NSRP1: variants seen among roughly 807,000 people sequenced by gnomAD.
NSRP1 encodes nuclear speckle splicing regulatory protein 1.
A neutral mutation model predicts 54.7 loss-of-function variants in NSRP1; 24 were observed. The ratio of observed to expected loss-of-function variants is 0.44; its 90% CI spans 0.32 to 0.62. NSRP1 has a LOEUF of 0.62. NSRP1 is among the 20% of genes least tolerant of loss of function. The pLI is 0.06. For synonymous variants in NSRP1, 210 were observed against 213.8 expected, an observed-to-expected ratio of 0.98 and a Z score of 0.15; for missense variants, 596 against 651.2, an observed-to-expected ratio of 0.92 and a Z score of 0.92.
chr17:30,119,715 C>A (rs1232873854), intron 2 of NSRP1, among the ~76,000 whole-genome samples: 2 of 152,100 alleles, frequency 1.3e-5, no homozygotes, highest in African/African-American at 4.8e-5. Flanking sequence ...GTTGATCAGG[C>A]TGGTCTCGAA....
At chr17:30,146,004 C>G (rs996291758) in intron 2 of NSRP1, among the ~76,000 whole-genome samples, 2 of 61,352 alleles carry the variant, frequency 3.3e-5, no homozygotes, top group Middle Eastern at 0.01. Context: ...TGCATGCCAC[C>G]ATGCCCAGCT....
At chr17:30,172,471 T>G in intron 2 of NSRP1, 71 bp from the exon 3 acceptor site, 1 of 1,186,948 alleles carries the variant, frequency 8.4e-7, no homozygotes, top group Non-Finnish European at 1.2e-6. Flanking sequence ...GTATTTTAGA[T>G]AGGGGACGCT....
chr17:30,163,895 A>G (rs1207599574), intron 2 of NSRP1, among the ~76,000 whole-genome samples: 3 of 151,928 alleles, frequency 2.0e-5, no homozygotes, highest in African/African-American at 4.8e-5. Flanking sequence ...CACGTTGGCA[A>G]GGCTGGTCTT....
rs576067627 is a variant in NSRP1 at position 30,145,887 on chromosome 17, T to C, written c.115-26655T>C. On this transcript the variant is annotated intron_variant, in intron 2 of 6. Coordinates refer to ENST00000247026, the MANE Select transcript of NSRP1 (RefSeq NM_032141.4). Reference sequence around the variant, plus strand: ...TTGTTTTAGACAAGGACCCACACTGTTCCTCAGGCTTGAGTGCAGAGGCAT... The same window carrying C: ...TTGTTTTAGACAAGGACCCACACTGCTCCTCAGGCTTGAGTGCAGAGGCAT... Among the ~76,000 whole-genome samples the C allele has an allele frequency of 1.8e-4, 28 of 152,302 alleles. No homozygotes were observed. In the South Asian group the frequency reaches 5.2e-3, roughly 28 times the overall value.
At position 30,178,091 on chromosome 17, in the gene NSRP1, G is replaced by A. The variant is rs1005041322; in HGVS notation, c.192G>A (p.Lys64=). ...AMKQTKLEIQ[K]ALAEDATVYE... is the part of the protein sequence containing the mutation. ...TTAAGACCAAACTGGAAATCCAGAA[G>A]GCCCTTGCAGAAGATGCTACTGTGT... Residue 64 remains lysine, a synonymous_variant, in exon 4 of 7, where the codon AAG becomes AAA. Coordinates refer to ENST00000247026, the MANE Select transcript of NSRP1 (RefSeq NM_032141.4). 1.9e-6 allele frequency: 3 copies of A among 1,611,700 alleles called. No homozygotes were observed. In the African/African-American group the frequency reaches 4.0e-5, roughly 22 times the overall value.
intron 2 of NSRP1, among the ~76,000 whole-genome samples, chr17:30,151,350 A>C (rs2071907803): frequency 6.6e-6 from 1 of 152,182 alleles, no homozygotes; most frequent in South Asian, 2.1e-4. Context: ...TGACTACCCC[A>C]AAACTTAACC....
intron 2 of NSRP1, among the ~76,000 whole-genome samples, chr17:30,143,621 T>C (rs528335701): frequency 6.6e-6 from 1 of 152,216 alleles, no homozygotes; most frequent in Non-Finnish European, 1.5e-5. Context: ...ACATAGTTAA[T>C]GATGTTCCTT....
At chr17:30,158,387 T>C (rs376033797) in intron 2 of NSRP1, among the ~76,000 whole-genome samples, 7 of 152,046 alleles carry the variant, frequency 4.6e-5, no homozygotes, top group Admixed American at 4.6e-4. Context: ...GATGAATATT[T>C]TGTAAACGTT....
intron 2 of NSRP1, among the ~76,000 whole-genome samples, chr17:30,164,526 G>A (rs1004185092): frequency 6.6e-6 from 1 of 152,136 alleles, no homozygotes; most frequent in African/African-American, 2.4e-5. Context: ...GCTGAGCATG[G>A]TGGCTTATGC....
intron 6 of NSRP1, among the ~76,000 whole-genome samples, chr17:30,183,355 G>C (rs1905383500): frequency 6.6e-6 from 1 of 152,098 alleles, no homozygotes; most frequent in Admixed American, 6.6e-5. Flanking sequence ...TACGCTGCTA[G>C]GCTTTGATTA....
chr17:30,133,066 C>A (rs1206219256), intron 2 of NSRP1, among the ~76,000 whole-genome samples: 1 of 151,918 alleles, frequency 6.6e-6, no homozygotes, highest in African/African-American at 2.4e-5. Context: ...CAGTCAGCCT[C>A]CTGAGTAGCA....
intron 2 of NSRP1, among the ~76,000 whole-genome samples, chr17:30,162,696 T>C (rs1904563460): frequency 1.3e-5 from 2 of 152,170 alleles, no homozygotes; most frequent in African/African-American, 4.8e-5. Context: ...TTATTAGTTA[T>C]GGAATAATTA....
At chr17:30,137,801 T>A (rs2071763406) in intron 2 of NSRP1, among the ~76,000 whole-genome samples, 1 of 152,226 alleles carries the variant, frequency 6.6e-6, no homozygotes, top group Non-Finnish European at 1.5e-5. Flanking sequence ...AGTCTTGGTG[T>A]ATTATTCTTT....
intron 2 of NSRP1, among the ~76,000 whole-genome samples, chr17:30,133,703 T>C (rs2071722986): frequency 6.6e-6 from 1 of 152,222 alleles, no homozygotes; most frequent in Admixed American, 6.5e-5. Context: ...ATCTGTTGTT[T>C]ATTGTAGCCA....
intron 2 of NSRP1, among the ~76,000 whole-genome samples, chr17:30,137,655 T>G (rs1423510303): frequency 6.6e-6 from 1 of 152,226 alleles, no homozygotes; most frequent in Non-Finnish European, 1.5e-5. Context: ...ACCAATAACT[T>G]TAGTTGCTAA....
chr17:30,176,009 C>T (rs200368084), intron 3 of NSRP1, among the ~76,000 whole-genome samples: 1 of 121,480 alleles, frequency 8.2e-6, no homozygotes, highest in South Asian at 2.7e-4. Flanking sequence ...AACCCCCCCC[C>T]CAAAAAAAAA....
chr17:30,124,005 A>G (rs2071627463), intron 2 of NSRP1, among the ~76,000 whole-genome samples: 1 of 152,134 alleles, frequency 6.6e-6, no homozygotes, highest in South Asian at 2.1e-4. Context: ...CAGGCATGAT[A>G]ACTCATGCCT....
At position 30,185,223 on chromosome 17, in the gene NSRP1, AGAAG is replaced by A; in HGVS notation, c.1231_1234del (p.Glu411ArgfsTer10). The stretch of plus-strand genomic sequence containing the variant: ...CAGAACCGACCCAGTGAGAAAGGAG[AGAAG>A]GAAGAGAAAAGCAAAGCAAAGGAAG... On this transcript the variant is annotated frameshift_variant, in exon 7 of 7. Transcript: ENST00000247026. LOFTEE classifies it high-confidence loss of function. 8.2e-6 allele frequency: 13 copies of A among 1,576,904 alleles called. No homozygotes were observed. The highest frequency in any genetic ancestry group is 1.0e-5 in the Non-Finnish European group (12 of 1,161,210).
In NSRP1 at chr17:30,172,012, T is replaced by TCACACA. The variant is rs1308017662; in HGVS notation, c.115-529_115-528insACACAC. ...CTCTCTCTCTCTCTCTCTCTCTCTC[T>TCACACA]CTCACATGTTCACATGAAGCAAATT... On this transcript the variant is annotated intron_variant, in intron 2 of 6. Coordinates refer to ENST00000247026, the MANE Select transcript of NSRP1 (RefSeq NM_032141.4). Among the ~76,000 whole-genome samples the TCACACA allele has an allele frequency of 6.5e-5, 5 of 76,942 alleles. No individual in the cohort carries two copies. The East Asian group carries it at 5.4e-3, about 83-fold the overall frequency. 50.5% of individuals were successfully genotyped at this position (76,942 alleles called of 152,430 possible). A position where few individuals can be genotyped will look rare whatever the true frequency, so the allele number is the denominator to read the frequency against.
Sources: gnomAD v4.1 joint callset for allele counts (sites outside exome capture counted in the v4.1 genomes callset) on GRCh38, gnomAD v4.1.1 for gene constraint, MANE v1.5 for transcripts, NCBI Gene and HGNC (gene_info 2026-07-23, HGNC 2026-07-21) for gene names.